The following KLHL1 variants were observed in gnomAD, a reference collection of about 807,000 sequenced individuals.
KLHL1 encodes kelch-like protein 1.
A neutral mutation model predicts 77.7 loss-of-function variants in KLHL1; 47 were observed. That is an observed-to-expected ratio of 0.60 (90% CI 0.48 to 0.77). The LOEUF is 0.77. KLHL1 is among the 30% of genes least tolerant of loss of function. The pLI is 0.00. For synonymous variants in KLHL1, 360 were observed against 325.2 expected (o/e 1.11, Z -1.15); for missense variants, 925 against 910.8 (o/e 1.02, Z -0.20).
chr13:69,846,657 T>C (rs999239381), intron 5 of KLHL1, among the ~76,000 whole-genome samples: 1 of 151,428 alleles, frequency 6.6e-6, no homozygotes, highest in Non-Finnish European at 1.5e-5. Flanking sequence ...ATATTATTCA[T>C]TGTAAATAAC....
intron 10 of KLHL1, among the ~76,000 whole-genome samples, chr13:69,707,353 C>T (rs984996275): frequency 1.3e-5 from 2 of 151,880 alleles, no homozygotes; most frequent in African/African-American, 4.8e-5. Context: ...TCAGGTAACT[C>T]AAATTCAGAT....
intron 4 of KLHL1, among the ~76,000 whole-genome samples, chr13:69,913,089 C>T (rs1259964807): frequency 6.6e-6 from 1 of 152,122 alleles, no homozygotes; most frequent in Non-Finnish European, 1.5e-5. Context: ...AGGTGCTTCC[C>T]CACCCAGCTA....
intron 7 of KLHL1, among the ~76,000 whole-genome samples, chr13:69,789,243 T>G (rs779355639): frequency 8.6e-5 from 13 of 151,664 alleles, no homozygotes; most frequent in Non-Finnish European, 1.6e-4. Context: ...AGAATTTTTT[T>G]AAAATTACTT....
At chr13:70,080,805 T>G (rs530015425) in intron 1 of KLHL1, among the ~76,000 whole-genome samples, 1 of 151,910 alleles carries the variant, frequency 6.6e-6, no homozygotes, top group South Asian at 2.1e-4. Flanking sequence ...GCCATGTTGG[T>G]CAGGCTGTTC....
chr13:69,930,205 G>A (rs1303591499), intron 4 of KLHL1, among the ~76,000 whole-genome samples: 1 of 151,720 alleles, frequency 6.6e-6, no homozygotes, highest in Non-Finnish European at 1.5e-5. Context: ...ATAAATTAAG[G>A]TAATAATCCT....
chr13:69,784,328 A>G (rs1876396831), intron 7 of KLHL1, among the ~76,000 whole-genome samples: 1 of 151,580 alleles, frequency 6.6e-6, no homozygotes, highest in African/African-American at 2.4e-5. Context: ...AAACTCACAC[A>G]TAACAATGTT....
intron 7 of KLHL1, among the ~76,000 whole-genome samples, chr13:69,749,182 A>G (rs951208187): frequency 2.0e-5 from 3 of 152,028 alleles, no homozygotes; most frequent in Non-Finnish European, 4.4e-5. Context: ...TTCAAAATCA[A>G]AATGATACAT....
chr13:69,844,169 G>T (rs1337593210), intron 5 of KLHL1, among the ~76,000 whole-genome samples: 3 of 150,910 alleles, frequency 2.0e-5, no homozygotes, highest in African/African-American at 7.3e-5. Flanking sequence ...TAAATTTAAA[G>T]AAATACAATG....
At chr13:69,780,359 G>A (rs1187456053) in intron 7 of KLHL1, among the ~76,000 whole-genome samples, 1 of 151,958 alleles carries the variant, frequency 6.6e-6, no homozygotes, top group African/African-American at 2.4e-5. Flanking sequence ...AAACTTTGAA[G>A]AGAGAATCCT....
At chr13:70,043,467 G>A (rs1407404649) in intron 1 of KLHL1, among the ~76,000 whole-genome samples, 1 of 152,084 alleles carries the variant, frequency 6.6e-6, no homozygotes, top group African/African-American at 2.4e-5. Flanking sequence ...ACAGTCTATG[G>A]TAGTGTACAG....
At chr13:69,995,241 A>T (rs1428579819) in intron 1 of KLHL1, among the ~76,000 whole-genome samples, 1 of 152,052 alleles carries the variant, frequency 6.6e-6, no homozygotes. Flanking sequence ...ACCCAGAAAA[A>T]GTTTGGTGGT....
intron 1 of KLHL1, among the ~76,000 whole-genome samples, chr13:69,993,347 A>G (rs1229530540): frequency 6.6e-6 from 1 of 151,990 alleles, no homozygotes; most frequent in Non-Finnish European, 1.5e-5. Flanking sequence ...GGCAATCTTC[A>G]TTTAACTCCA....
At chr13:69,960,856 T>C (rs1442986969) in intron 3 of KLHL1, among the ~76,000 whole-genome samples, 2 of 152,068 alleles carry the variant, frequency 1.3e-5, no homozygotes, top group African/African-American at 4.8e-5. Flanking sequence ...AGTACCTTTA[T>C]TGTCCATTTC....
intron 6 of KLHL1, among the ~76,000 whole-genome samples, chr13:69,809,283 A>G (rs1408834298): frequency 6.6e-6 from 1 of 152,166 alleles, no homozygotes. Flanking sequence ...ATGCAAAAGA[A>G]AAAAATATTG....
At chr13:69,800,437 G>C (rs1437385049) in intron 6 of KLHL1, among the ~76,000 whole-genome samples, 1 of 151,986 alleles carries the variant, frequency 6.6e-6, no homozygotes, top group Admixed American at 6.6e-5. Flanking sequence ...CTTCAATCTT[G>C]CTCAGTTATA....
At chr13:70,016,454 G>T (rs1351633079) in intron 1 of KLHL1, among the ~76,000 whole-genome samples, 2 of 152,242 alleles carry the variant, frequency 1.3e-5, no homozygotes, top group African/African-American at 4.8e-5. Flanking sequence ...GCCTGCTCTA[G>T]CTCCCTGGCC....
intron 1 of KLHL1, among the ~76,000 whole-genome samples, chr13:70,017,473 CT>C (rs1885687050): frequency 6.6e-6 from 1 of 152,234 alleles, no homozygotes; most frequent in African/African-American, 2.4e-5. Context: ...GCCCACTCTG[CT>C]GCAGCAACTA....
intron 1 of KLHL1, among the ~76,000 whole-genome samples, chr13:70,039,088 G>T (rs1956185239): frequency 1.4e-5 from 2 of 145,892 alleles, no homozygotes. Flanking sequence ...AATGGACAGG[G>T]TGTTACTCTA....
At chr13:69,769,514 G>A (rs754940892) in intron 7 of KLHL1, among the ~76,000 whole-genome samples, 3 of 152,118 alleles carry the variant, frequency 2.0e-5, no homozygotes, top group Non-Finnish European at 4.4e-5. Flanking sequence ...TGGGCTGCTG[G>A]TTCTAGTTAG....
Sources: gnomAD v4.1 joint callset for allele counts (sites outside exome capture counted in the v4.1 genomes callset) on GRCh38, gnomAD v4.1.1 for gene constraint, MANE v1.5 for transcripts, NCBI Gene and HGNC (gene_info 2026-07-23, HGNC 2026-07-21) for gene names.